Variants in MAPK8IP1 observed in about 807,000 individuals in gnomAD.
MAPK8IP1 encodes the protein C-Jun-amino-terminal kinase-interacting protein 1.
In MAPK8IP1, 17 loss-of-function variants were observed where a neutral mutation model predicts 72.6. The observed-to-expected ratio is 0.23, with a 90% CI of 0.16 to 0.35. The LOEUF is 0.35. Among genes scored for constraint, MAPK8IP1 ranks in the 10% least tolerant of loss-of-function variants. MAPK8IP1 has a pLI of 1.00. For missense variants in MAPK8IP1, 789 were observed against 1,009.7 expected (o/e 0.78, Z 2.96); for synonymous variants, 401 against 443.4 (o/e 0.90, Z 1.20).
At chr11:45,893,804 T>G (rs1379916681) in intron 1 of MAPK8IP1, among the ~76,000 whole-genome samples, 1 of 152,196 alleles carries the variant, frequency 6.6e-6, no homozygotes, top group Non-Finnish European at 1.5e-5. Flanking sequence ...CCTCCATCTT[T>G]TCCTCCCTCC....
intron 1 of MAPK8IP1, among the ~76,000 whole-genome samples, chr11:45,892,225 C>T (rs1010258492): frequency 6.6e-6 from 1 of 152,160 alleles, no homozygotes; most frequent in Non-Finnish European, 1.5e-5. Context: ...GGGTCTGGCT[C>T]ATCCCCACCC....
rs1241732551 is a variant in MAPK8IP1 at position 45,900,144 on chromosome 11, C to A, written c.214C>A (p.Arg72Ser). The A allele has an allele frequency of 2.0e-5, 25 of 1,277,722 alleles. No individual in the cohort carries two copies. In the East Asian group the frequency reaches 7.6e-4, roughly 39 times the overall value. 79.1% of individuals were successfully genotyped at this position (1,277,722 alleles called of 1,614,324 possible). Residue 72 changes from arginine (R) to serine (S), a missense_variant, in exon 3 of 12, where the codon CGC becomes AGC. Transcript: ENST00000241014. The surrounding 1 kb of genome is among the most constrained non-coding windows in gnomAD (Gnocchi z 6.5). ...CKDTLSLRPP[R>S]AGLLSAGGGG... Reference sequence around the variant, plus strand: ...CCCTCCGTGCGCTGTGCAGCCCCCGCGCGCCGGGCTGCTCTCTGCGGGCGG... The same window carrying A: ...CCCTCCGTGCGCTGTGCAGCCCCCGAGCGCCGGGCTGCTCTCTGCGGGCGG...
intron 1 of MAPK8IP1, among the ~76,000 whole-genome samples, chr11:45,894,532 G>T (rs1368424187): frequency 6.6e-6 from 1 of 152,184 alleles, no homozygotes; most frequent in Non-Finnish European, 1.5e-5. Flanking sequence ...CAGACCTATT[G>T]TCCAAGGAAG....
intron 1 of MAPK8IP1, chr11:45,896,591 G>C: frequency 7.7e-7 from 1 of 1,292,536 alleles, no homozygotes; most frequent in Non-Finnish European, 9.8e-7. Context: ...GGCCACAGCG[G>C]CAGCAGCGCA....
Position 45,904,170 on chromosome 11 carries a change from C to G in MAPK8IP1, c.1666+9C>G. 1 of 1,612,442 alleles carries G rather than the reference C, an allele frequency of 6.2e-7. No individual in the cohort carries two copies. Among genetic ancestry groups the G allele is most frequent in the Non-Finnish European group, 8.5e-7 (1 of 1,179,374 alleles). ...GCCCGAGCACATGGCAGGTAGTGTT[C>G]CCTCCCTGGCCTGTGCCCCCAGCCA... On this transcript the variant is annotated intron_variant, in intron 7 of 11. Transcript: ENST00000241014. This position sits in a 1 kb window ranked among gnomAD's most constrained non-coding sequence, Gnocchi z 6.4.
At position 45,904,789 on chromosome 11, in the gene MAPK8IP1, G is replaced by A. The variant is rs779394025; in HGVS notation, c.1848G>A (p.Arg616=). 18 of 1,613,968 alleles carry A rather than the reference G, an allele frequency of 1.1e-5. No homozygotes were observed. Among genetic ancestry groups the A allele is most frequent in the Non-Finnish European group, 1.4e-5 (17 of 1,180,052 alleles). ...GCTGTGTCCTGGAGATCAGCGTGCG[G>A]GGTGTGAAGATAGGCGTCAAGGCCG... The part of the protein sequence containing the change: ...PSSCVLEISV[R]GVKIGVKADD... Residue 616 remains arginine (R), a synonymous_variant, in exon 9 of 12, where the codon CGG becomes CGA. Transcript: ENST00000241014. This position sits in a 1 kb window ranked among gnomAD's most constrained non-coding sequence, Gnocchi z 6.4.
chr11:45,901,894 A>C (rs2086655842), intron 3 of MAPK8IP1, 86 bp from the exon 4 acceptor site: 1 of 978,812 alleles, frequency 1.0e-6, no homozygotes, highest in African/African-American at 1.6e-5. Flanking sequence ...GGCCCTAGGG[A>C]TGGCCTGAGG....
rs531827875 is a variant in MAPK8IP1, at chr11:45,901,494, A to G, written c.523-486A>G. On this transcript the variant is annotated intron_variant, in intron 3 of 11. Transcript: ENST00000241014. ...GGAGACCCTTCCTTGTGCTTTTTCC[A>G]GGCTCTACCAGAAGGTCCTCACCCC... 2.0e-5 allele frequency among the ~76,000 whole-genome samples: 3 copies of G among 152,186 alleles called. No homozygotes were observed. The South Asian group carries it at 6.2e-4, about 32-fold the overall frequency.
At chr11:45,898,789 C>T (rs1343462595) in intron 2 of MAPK8IP1, among the ~76,000 whole-genome samples, 1 of 152,246 alleles carries the variant, frequency 6.6e-6, no homozygotes, top group African/African-American at 2.4e-5. Flanking sequence ...GGGAAGATGG[C>T]TCTCTCCTGT....
Position 45,900,475 on chromosome 11 carries a change from G to A in MAPK8IP1, c.522+23G>A, listed in dbSNP as rs1328777356. On this transcript the variant is annotated intron_variant, in intron 3 of 11. Coordinates refer to ENST00000241014, the MANE Select transcript of MAPK8IP1 (RefSeq NM_005456.4). This position sits in a 1 kb window ranked among gnomAD's most constrained non-coding sequence, Gnocchi z 6.5. ...CAGGTGAGGCGCCAACGTGGGGGGC[G>A]GCGCCCTGGGCCGCCGCGGAGATGT... 2.6e-6 allele frequency: 4 copies of A among 1,530,040 alleles called. No individual in the cohort carries two copies. Among genetic ancestry groups the A allele is most frequent in the Admixed American group, 2.0e-5 (1 of 50,690 alleles). 94.8% of individuals were successfully genotyped at this position (1,530,040 alleles called of 1,614,324 possible).
Position 45,885,863 on chromosome 11 carries a change from TC to T in MAPK8IP1, c.47del (p.Pro16ArgfsTer81). 1 of 1,454,208 alleles carries T rather than the reference TC, an allele frequency of 6.9e-7. No individual in the cohort carries two copies. Among genetic ancestry groups the T allele is most frequent in the Non-Finnish European group, 9.1e-7 (1 of 1,099,668 alleles). The allele number at this position is 1,454,208 out of a possible 1,614,324, so 90.1% of individuals were successfully genotyped here. A position where few individuals can be genotyped will look rare whatever the true frequency, so the allele number is the denominator to read the frequency against. On this transcript the variant is annotated frameshift_variant, in exon 1 of 12. Coordinates refer to ENST00000241014, the MANE Select transcript of MAPK8IP1 (RefSeq NM_005456.4). LOFTEE classifies it high-confidence loss of function. ...CGGCGGCCTGGGAGGGGGGGCCGCG[TC>T]CCCGCCCGCCGCCTCCCCGTTCCTG... ...ESGGLGGGAA[S>X]PPAASPFLGL...
chr11:45,892,087 C>T (rs1240344415), intron 1 of MAPK8IP1, among the ~76,000 whole-genome samples: 1 of 152,180 alleles, frequency 6.6e-6, no homozygotes, highest in Non-Finnish European at 1.5e-5. Flanking sequence ...ATTCAGTTTT[C>T]GTTGGAGATG....
chr11:45,902,213 T>C lies in MAPK8IP1; in HGVS notation c.604+152T>C. ...GAGCCCATCCAGGGGCTGAGATCAGTGGTGGCATGAGTGAGTTGACTGGCC... is the reference window on the plus strand; with the variant it reads ...GAGCCCATCCAGGGGCTGAGATCAGCGGTGGCATGAGTGAGTTGACTGGCC... On this transcript the variant is annotated intron_variant, in intron 4 of 11. Coordinates refer to ENST00000241014, the MANE Select transcript of MAPK8IP1 (RefSeq NM_005456.4). This position sits in a 1 kb window ranked among gnomAD's most constrained non-coding sequence, Gnocchi z 9.3. 1 of 986,442 alleles carries C rather than the reference T, an allele frequency of 1.0e-6. No homozygotes were observed. The highest frequency in any genetic ancestry group is 1.6e-6 in the Non-Finnish European group (1 of 618,150). The allele number at this position is 986,442 out of a possible 1,614,324, so 61.1% of individuals were successfully genotyped here. A position where few individuals can be genotyped will look rare whatever the true frequency, so the allele number is the denominator to read the frequency against.
chr11:45,891,832 A>C (rs920928007), intron 1 of MAPK8IP1, among the ~76,000 whole-genome samples: 4 of 152,218 alleles, frequency 2.6e-5, no homozygotes, highest in Non-Finnish European at 5.9e-5. Flanking sequence ...GCCACGATGG[A>C]ACCAGCCCCC....
At chr11:45,901,469 G>A (rs1200140523) in intron 3 of MAPK8IP1, among the ~76,000 whole-genome samples, 3 of 152,078 alleles carry the variant, frequency 2.0e-5, no homozygotes, top group Admixed American at 2.0e-4. Context: ...CAGCTGCTAG[G>A]GAGACCCTTC....
intron 1 of MAPK8IP1, among the ~76,000 whole-genome samples, chr11:45,894,561 T>C (rs529731005): frequency 4.3e-4 from 65 of 152,218 alleles, no homozygotes; most frequent in Non-Finnish European, 7.6e-4. Flanking sequence ...TCAGGTGATG[T>C]TGAGGGTGTA....
Position 45,906,340 on chromosome 11 carries a change from G to C in MAPK8IP1, c.*619G>C. 2.1e-6 allele frequency: 1 copy of C among 472,600 alleles called. No homozygotes were observed. Among genetic ancestry groups the C allele is most frequent in the Middle Eastern group, 5.6e-4 (1 of 1,782 alleles). The allele number at this position is 472,600 out of a possible 1,614,324, so 29.3% of individuals were successfully genotyped here. ...TGTGGCAGGCCTAGGACCTCAGGCG[G>C]GGAGGAGGAGCTGCCGCAAGGCCCT... On this transcript the variant is annotated 3_prime_UTR_variant, in exon 12 of 12. Coordinates refer to ENST00000241014, the MANE Select transcript of MAPK8IP1 (RefSeq NM_005456.4).
chr11:45,888,882 T>C (rs2134664267), intron 1 of MAPK8IP1, among the ~76,000 whole-genome samples: 1 of 152,122 alleles, frequency 6.6e-6, no homozygotes, highest in South Asian at 2.1e-4. Flanking sequence ...GTATTTTTAG[T>C]AGAGACGGGG....
chr11:45,892,260 C>T (rs79798502), intron 1 of MAPK8IP1, among the ~76,000 whole-genome samples: 2,987 of 152,238 alleles, frequency 0.02, 102 homozygotes, highest in African/African-American at 0.067. Context: ...GCACCGTCTT[C>T]CCAGAGGACC....
Sources: allele counts gnomAD v4.1 joint callset (sites outside exome capture counted in the v4.1 genomes callset), GRCh38; gene constraint gnomAD v4.1.1; non-coding constraint Gnocchi (gnomAD v3.1); transcripts MANE v1.5; gene names NCBI Gene and HGNC (gene_info 2026-07-23, HGNC 2026-07-21).